The following C14orf132 variants were observed in gnomAD, a reference collection of about 807,000 sequenced individuals.
C14orf132 encodes the protein chromosome 14 open reading frame 132.
A neutral mutation model predicts 5.8 loss-of-function variants in C14orf132; 6 were observed. The ratio of observed to expected loss-of-function variants is 1.03; its 90% CI spans 0.57 to 2.04. The LOEUF is 2.04. C14orf132 is among the 30% of genes most tolerant of loss of function. The pLI, the probability that C14orf132 is intolerant of heterozygous loss-of-function variation, is 0.00. For missense variants in C14orf132, 125 were observed against 115.8 expected, an observed-to-expected ratio of 1.08 and a Z score of -0.37; for synonymous variants, 51 against 49.8, an observed-to-expected ratio of 1.02 and a Z score of -0.10.
At chr14:96,085,596 C>A (rs115581706) in intron 1 of C14orf132, among the ~76,000 whole-genome samples, 111 of 152,302 alleles carry the variant, frequency 7.3e-4, no homozygotes, top group African/African-American at 2.6e-3. Context: ...CAGTGATGTG[C>A]GGCGTGGGCG....
intron 1 of C14orf132, among the ~76,000 whole-genome samples, chr14:96,068,296 C>T (rs1414016934): frequency 6.6e-6 from 1 of 152,210 alleles, no homozygotes; most frequent in Admixed American, 6.5e-5. Context: ...GTCACCTCAA[C>T]GTGTTGCAGG....
At chr14:96,059,457 C>T (rs1887280419) in intron 1 of C14orf132, among the ~76,000 whole-genome samples, 1 of 152,204 alleles carries the variant, frequency 6.6e-6, no homozygotes, top group Non-Finnish European at 1.5e-5. Context: ...CATTCCCATT[C>T]TACAGATGAG....
At chr14:96,084,233 T>G (rs1888112709) in intron 1 of C14orf132, among the ~76,000 whole-genome samples, 1 of 151,446 alleles carries the variant, frequency 6.6e-6, no homozygotes, top group African/African-American at 2.4e-5. Flanking sequence ...AAGCAATGAG[T>G]GGGAAGGGAC....
chr14:96,054,231 A>T (rs1040010342), intron 1 of C14orf132, among the ~76,000 whole-genome samples: 1 of 152,098 alleles, frequency 6.6e-6, no homozygotes, highest in Middle Eastern at 3.2e-3. Context: ...TCACCACCTC[A>T]CCAAACAGAG....
intron 1 of C14orf132, among the ~76,000 whole-genome samples, chr14:96,040,102 C>G (rs1235282289): frequency 6.6e-6 from 1 of 151,814 alleles, no homozygotes; most frequent in Non-Finnish European, 1.5e-5. Flanking sequence ...TCTGATGGAG[C>G]CACCAGTGCC....
At chr14:96,051,992 G>T (rs936859916) in intron 1 of C14orf132, among the ~76,000 whole-genome samples, 4 of 152,252 alleles carry the variant, frequency 2.6e-5, no homozygotes, top group Non-Finnish European at 5.9e-5. Flanking sequence ...CACCTGCTAA[G>T]AGTTCTGTGC....
intron 1 of C14orf132, among the ~76,000 whole-genome samples, chr14:96,085,481 T>A (rs1888153293): frequency 6.6e-6 from 1 of 152,118 alleles, no homozygotes; most frequent in African/African-American, 2.4e-5. Context: ...ACCCCCTCCC[T>A]TGGAGCACCC....
intron 1 of C14orf132, among the ~76,000 whole-genome samples, chr14:96,043,029 CA>C (rs1023217063): frequency 6.6e-6 from 1 of 152,216 alleles, no homozygotes; most frequent in Non-Finnish European, 1.5e-5. Context: ...CACGCATGTT[CA>C]AAGACAGCCG....
chr14:96,062,026 A>G (rs1433662208), intron 1 of C14orf132, among the ~76,000 whole-genome samples: 1 of 152,150 alleles, frequency 6.6e-6, no homozygotes, highest in Non-Finnish European at 1.5e-5. Flanking sequence ...TATCTCAGTC[A>G]CCACATTCCC....
chr14:96,075,431 T>C (rs1165007405), intron 1 of C14orf132, among the ~76,000 whole-genome samples: 1 of 152,206 alleles, frequency 6.6e-6, no homozygotes. Flanking sequence ...TTTATTGTAC[T>C]GGCAAAAACT....
chr14:96,082,161 A>G (rs904176826), intron 1 of C14orf132, among the ~76,000 whole-genome samples: 1 of 152,182 alleles, frequency 6.6e-6, no homozygotes, highest in Non-Finnish European at 1.5e-5. Flanking sequence ...CAAGAATCCC[A>G]TTCTCTGAAG....
At chr14:96,049,733 T>TTG (rs1488554679) in intron 1 of C14orf132, among the ~76,000 whole-genome samples, 1 of 146,916 alleles carries the variant, frequency 6.8e-6, no homozygotes, top group Non-Finnish European at 1.5e-5. Context: ...TCACCTGAAG[T>TTG]TGTCTTAGAG....
chr14:96,051,041 G>A, intron 1 of C14orf132: 1 of 396,522 alleles, frequency 2.5e-6, no homozygotes. Context: ...CCAGCTATGG[G>A]CCCCTGATCC....
chr14:96,089,854 G>A lies in C14orf132; in HGVS notation c.*3119G>A, dbSNP rs1372953306. On this transcript the variant is annotated 3_prime_UTR_variant, in exon 2 of 2. Coordinates refer to ENST00000555004, the MANE Select transcript of C14orf132 (RefSeq NM_001252507.3). Reference sequence around the variant, plus strand: ...CACACGTAGAAAGAGGCTCACTACAGCCAGAAGTGCAGAGTCAGAGTCCTG... The same window carrying A: ...CACACGTAGAAAGAGGCTCACTACAACCAGAAGTGCAGAGTCAGAGTCCTG... The A allele has an allele frequency of 6.6e-6, 1 of 152,246 alleles. No homozygotes were observed. Among genetic ancestry groups the A allele is most frequent in the African/African-American group, 2.4e-5 (1 of 41,428 alleles). 9.4% of individuals were successfully genotyped at this position (152,246 alleles called of 1,614,324 possible).
intron 1 of C14orf132, among the ~76,000 whole-genome samples, chr14:96,044,839 A>G (rs1387504228): frequency 6.6e-6 from 1 of 152,224 alleles, no homozygotes; most frequent in Non-Finnish European, 1.5e-5. Context: ...ATATTGGCTT[A>G]GGGCCCACCC....
chr14:96,090,615 G>A lies in C14orf132; in HGVS notation c.*3880G>A, dbSNP rs762825132. 1.6e-4 allele frequency: 75 copies of A among 455,890 alleles called. No individual in the cohort carries two copies. Among genetic ancestry groups the A allele is most frequent in the Admixed American group, 1.2e-4 (5 of 42,546 alleles). The allele number at this position is 455,890 out of a possible 1,614,324, so 28.2% of individuals were successfully genotyped here. Reference sequence around the variant, plus strand: ...CTTTCCCATGAAATCAAGGTCAAGAGGCAAATAAGACTCCCTGCTCCACTC... The same window carrying A: ...CTTTCCCATGAAATCAAGGTCAAGAAGCAAATAAGACTCCCTGCTCCACTC... On this transcript the variant is annotated 3_prime_UTR_variant, in exon 2 of 2. Transcript: ENST00000555004.
chr14:96,078,967 C>T (rs576883693), intron 1 of C14orf132, among the ~76,000 whole-genome samples: 4 of 152,372 alleles, frequency 2.6e-5, no homozygotes, highest in East Asian at 3.9e-4. Flanking sequence ...ATGAGGGGAT[C>T]AGCGTGTACC....
Position 96,039,441 on chromosome 14 carries a change from C to G in C14orf132, c.-60C>G, listed in dbSNP as rs550032748. The G allele has an allele frequency of 3.4e-6, 5 of 1,462,524 alleles. No individual in the cohort carries two copies. The highest frequency in any genetic ancestry group is 4.5e-6 in the Non-Finnish European group (5 of 1,105,434). The allele number at this position is 1,462,524 out of a possible 1,614,324, so 90.6% of individuals were successfully genotyped here. A position where few individuals can be genotyped will look rare whatever the true frequency, so the allele number is the denominator to read the frequency against. The stretch of plus-strand genomic sequence containing the variant: ...GCCCGATCCCCGCCAACTGTGCAGG[C>G]GGCTGACCCGCAGCGGCAGCGGCAG... On this transcript the variant is annotated 5_prime_UTR_variant, in exon 1 of 2. Transcript: ENST00000555004. The surrounding 1 kb of genome is among the most constrained non-coding windows in gnomAD (Gnocchi z 5.3).
intron 1 of C14orf132, among the ~76,000 whole-genome samples, chr14:96,060,017 T>C (rs1482087286): frequency 6.6e-6 from 1 of 152,206 alleles, no homozygotes; most frequent in Non-Finnish European, 1.5e-5. Context: ...CAGTGCCTTG[T>C]CCCTGGGATG....
Sources: gnomAD v4.1 joint callset for allele counts (sites outside exome capture counted in the v4.1 genomes callset) on GRCh38, gnomAD v4.1.1 for gene constraint, Gnocchi (gnomAD v3.1) non-coding constraint, MANE v1.5 for transcripts, NCBI Gene and HGNC (gene_info 2026-07-23, HGNC 2026-07-21) for gene names.